Variants in RWDD4 observed in about 807,000 individuals in gnomAD.
RWDD4 encodes the protein RWD domain containing 4.
In RWDD4, 16 loss-of-function variants were observed where a neutral mutation model predicts 30.0. That is an observed-to-expected ratio of 0.53 (90% confidence interval 0.36 to 0.81). The LOEUF (loss-of-function observed/expected upper bound fraction) is 0.81, where lower values mean the gene tolerates loss of function less well. Among genes scored for constraint, RWDD4 ranks in the 30% least tolerant of loss-of-function variants. RWDD4 has a pLI of 0.00. For missense variants in RWDD4, 170 were observed against 223.9 expected, an observed-to-expected ratio of 0.76 and a Z score of 1.54; for synonymous variants, 45 against 72.1, an observed-to-expected ratio of 0.62 and a Z score of 1.90.
At position 183,656,218 on chromosome 4, in the gene RWDD4, T is replaced by C. The variant is rs139623892; in HGVS notation, c.25-257A>G. 7.9e-5 allele frequency: 22 copies of C among 278,428 alleles called. No individual in the cohort carries two copies. The East Asian group carries it at 1.3e-3, about 17-fold the overall frequency. 17.2% of individuals were successfully genotyped at this position (278,428 alleles called of 1,614,324 possible). A position where few individuals can be genotyped will look rare whatever the true frequency, so the allele number is the denominator to read the frequency against. ...GCGCTGACTTCTCAAATCAACCCTG[T>C]CAAGAGGCTCCTATTATTTTCTCCT... On this transcript the variant is annotated intron_variant, in intron 1 of 7. Transcript: ENST00000326397.
At chr4:183,648,616 T>C (rs568716340) in intron 5 of RWDD4, among the ~76,000 whole-genome samples, 1 of 152,356 alleles carries the variant, frequency 6.6e-6, no homozygotes, top group East Asian at 1.9e-4. Flanking sequence ...CCTAATGGTA[T>C]ACTGGTATCC....
intron 7 of RWDD4, among the ~76,000 whole-genome samples, chr4:183,643,078 A>G (rs183069261): frequency 6.4e-5 from 8 of 125,850 alleles, no homozygotes; most frequent in African/African-American, 2.2e-4. Flanking sequence ...AAATAAATAA[A>G]TAAATAAATA....
At chr4:183,652,612 C>T (rs1304393678) in intron 2 of RWDD4, among the ~76,000 whole-genome samples, 1 of 152,000 alleles carries the variant, frequency 6.6e-6, no homozygotes, top group Non-Finnish European at 1.5e-5. Context: ...GAGATCGAGA[C>T]CATCCTGGCC....
intron 7 of RWDD4, among the ~76,000 whole-genome samples, chr4:183,642,779 C>T (rs1428355343): frequency 6.6e-6 from 1 of 151,990 alleles, no homozygotes; most frequent in Non-Finnish European, 1.5e-5. Flanking sequence ...AATGGGTTGG[C>T]TGGGCGCGGT....
chr4:183,642,552 G>A (rs1268799722), intron 7 of RWDD4, among the ~76,000 whole-genome samples: 1 of 152,098 alleles, frequency 6.6e-6, no homozygotes, highest in East Asian at 1.9e-4. Flanking sequence ...TGCTTCAACA[G>A]TAAATCAGGT....
At chr4:183,649,668 T>C (rs1311908776) in intron 4 of RWDD4, 100 bp from the exon 5 acceptor site, 4 of 591,322 alleles carry the variant, frequency 6.8e-6, no homozygotes, top group Admixed American at 3.0e-5. Flanking sequence ...TTTACACTTA[T>C]GAAATAAAAG....
chr4:183,642,216 G>C (rs1733869881), intron 7 of RWDD4, among the ~76,000 whole-genome samples: 1 of 75,162 alleles, frequency 1.3e-5, no homozygotes, highest in Admixed American at 1.2e-4. Context: ...TTGAGACAGA[G>C]TCTCGCTCTG....
chr4:183,649,404 G>A, intron 5 of RWDD4, 47 bp downstream of exon 5: 5 of 1,257,228 alleles, frequency 4.0e-6, no homozygotes, highest in Non-Finnish European at 5.8e-6. Context: ...ACAAGAGTGA[G>A]ACTCTGTCAA....
chr4:183,641,928 T>C, intron 7 of RWDD4, among the ~76,000 whole-genome samples: 1 of 152,154 alleles, frequency 6.6e-6, no homozygotes, highest in South Asian at 2.1e-4. Flanking sequence ...TTTGAAAATA[T>C]GATAAAAGTC....
rs1177658092 is a variant in RWDD4 at position 183,650,982 on chromosome 4, A to G, written c.363+2T>C. On this transcript the variant is annotated splice_donor_variant, in intron 4 of 7. Coordinates refer to ENST00000326397, the MANE Select transcript of RWDD4 (RefSeq NM_152682.4). LOFTEE classifies it high-confidence loss of function. ...CCGGCAAAAAAATAATCACATACTC[A>G]CTGCGGAATTGATGGGATTGTGATT... is the stretch of plus-strand genomic sequence containing the variant. 6.2e-7 allele frequency: 1 copy of G among 1,606,638 alleles called. No homozygotes were observed. The highest frequency in any genetic ancestry group is 1.3e-5 in the African/African-American group (1 of 74,634).
rs1311472165 is a variant in RWDD4 at position 183,646,663 on chromosome 4, G to C, written c.482-126C>G. 6.5e-6 allele frequency: 5 copies of C among 766,400 alleles called. No homozygotes were observed. In the East Asian group the frequency reaches 1.2e-4, roughly 18 times the overall value. The allele number at this position is 766,400 out of a possible 1,614,324, so 47.5% of individuals were successfully genotyped here. A position where few individuals can be genotyped will look rare whatever the true frequency, so the allele number is the denominator to read the frequency against. On this transcript the variant is annotated intron_variant, in intron 5 of 7. Transcript: ENST00000326397. ...ATTTAAATGACATATTACTAAGTTGGAAAAAGAGTTTATCATTATGAATCG... is the reference window on the plus strand; with the variant it reads ...ATTTAAATGACATATTACTAAGTTGCAAAAAGAGTTTATCATTATGAATCG...
At position 183,649,516 on chromosome 4, in the gene RWDD4, C is replaced by T. The variant is rs764906978; in HGVS notation, c.416G>A (p.Ser139Asn). The part of the protein sequence containing the change: ...SIETPNTAPS[S>N]KKKDKKEQLS... The stretch of plus-strand genomic sequence containing the variant: ...TTGTTCTTTTTTGTCTTTTTTCTTA[C>T]TTGATGGGGCTGTATTAGGAGTTTC... The change falls in exon 5 of 8, where the codon AGT (serine) becomes AAT (asparagine). Residue 139 changes from serine to asparagine, a missense_variant. By Grantham distance (46) the Ser-to-Asn change is conservative. Coordinates refer to ENST00000326397, the MANE Select transcript of RWDD4 (RefSeq NM_152682.4). 14 of 1,612,202 alleles carry T rather than the reference C, an allele frequency of 8.7e-6. No individual in the cohort carries two copies. Among genetic ancestry groups the T allele is most frequent in the Non-Finnish European group, 1.2e-5 (14 of 1,178,766 alleles).
chr4:183,644,784 AAAAAG>A (rs59886232), intron 7 of RWDD4, among the ~76,000 whole-genome samples: 8,224 of 148,804 alleles, frequency 0.055, 620 homozygotes, highest in African/African-American at 0.17. Context: ...CTTCAAAAAA[AAAAAG>A]AAAAGAAAAG....
intron 2 of RWDD4, 121 bp from the exon 3 acceptor site, chr4:183,651,448 T>C: frequency 1.3e-6 from 1 of 787,374 alleles, no homozygotes; most frequent in East Asian, 2.5e-5. Flanking sequence ...ATGTAATATT[T>C]TGAAAAGTCC....
In RWDD4 at chr4:183,649,534, G is replaced by C; in HGVS notation, c.398C>G (p.Pro133Arg). The C allele has an allele frequency of 1.2e-6, 2 of 1,608,440 alleles. No homozygotes were observed. Among genetic ancestry groups the C allele is most frequent in the South Asian group, 2.2e-5 (2 of 90,622 alleles). ...SISNIISIET[P>R]NTAPSSKKKD... is the part of the protein sequence containing the mutation. ...TTTCTTACTTGATGGGGCTGTATTA[G>C]GAGTTTCAATTGAGATGATATTGCT... The change falls in exon 5 of 8, where the codon CCT becomes CGT. Residue 133 changes from proline (P) to arginine (R), a missense_variant. Physicochemically the swap from Pro to Arg is moderately radical, Grantham distance 103. Transcript: ENST00000326397.
Position 183,641,524 on chromosome 4 carries a change from T to C in RWDD4, c.535-56A>G. On this transcript the variant is annotated intron_variant, in intron 7 of 7. Coordinates refer to ENST00000326397, the MANE Select transcript of RWDD4 (RefSeq NM_152682.4). ...AGTGGTATTTTCTGAGTTCACTATT[T>C]CCATGGAGTATCAAAATTAAACTAT... The C allele has an allele frequency of 3.0e-6, 4 of 1,337,232 alleles. No homozygotes were observed. The South Asian group carries it at 4.8e-5, about 16-fold the overall frequency. The allele number at this position is 1,337,232 out of a possible 1,614,324, so 82.8% of individuals were successfully genotyped here.
intron 2 of RWDD4, among the ~76,000 whole-genome samples, chr4:183,652,040 T>A (rs1042878656): frequency 6.6e-6 from 1 of 152,116 alleles, no homozygotes; most frequent in African/African-American, 2.4e-5. Context: ...CCCAATGTGA[T>A]TTTTTTCCCC....
intron 7 of RWDD4, among the ~76,000 whole-genome samples, chr4:183,641,899 G>C (rs1310547010): frequency 6.6e-6 from 1 of 152,078 alleles, no homozygotes; most frequent in Non-Finnish European, 1.5e-5. Context: ...ATCTTAACCA[G>C]ACAATAAATT....
At chr4:183,646,682 T>C (rs1295230318) in intron 5 of RWDD4, 145 bp from the exon 6 acceptor site, 3 of 675,330 alleles carry the variant, frequency 4.4e-6, no homozygotes, top group East Asian at 2.9e-5. Flanking sequence ...TTTATCATTA[T>C]GAATCGATAC....
Sources: gnomAD v4.1 joint callset for allele counts (sites outside exome capture counted in the v4.1 genomes callset) on GRCh38, gnomAD v4.1.1 for gene constraint, MANE v1.5 for transcripts, NCBI Gene and HGNC (gene_info 2026-07-23, HGNC 2026-07-21) for gene names.